The following LRSAM1 variants were observed in gnomAD, a reference collection of about 807,000 sequenced individuals.
LRSAM1 encodes the protein leucine rich repeat and sterile alpha motif containing 1, also known as E3 ubiquitin-protein ligase LRSAM1.
Under a neutral mutation model 118.1 loss-of-function variants are expected in LRSAM1, and 96 were observed. The ratio of observed to expected loss-of-function variants is 0.81; its 90% confidence interval spans 0.69 to 0.96. LRSAM1 has a LOEUF of 0.96. Ranked by LOEUF, LRSAM1 falls within the 40% of genes least tolerant of loss-of-function variation. The probability of loss-of-function intolerance (pLI) is 0.00; values close to 1 mark genes in which losing one functional copy is unlikely to be tolerated. For synonymous variants in LRSAM1, 322 were observed against 364.2 expected, an observed-to-expected ratio of 0.88 and a Z score of 1.32; for missense variants, 804 against 915.5, an observed-to-expected ratio of 0.88 and a Z score of 1.57.
rs774230694 is a variant in LRSAM1, at chr9:127,491,302, A to G, written c.1503+7A>G. On this transcript the variant is annotated splice_region_variant and intron_variant, in intron 20 of 25. Coordinates refer to ENST00000300417, the MANE Select transcript of LRSAM1 (RefSeq NM_001005373.4). ...GGACACAGAGTCACTCCAGGTATGT[A>G]GGGCTCCCTGCCCCTGCCCTCCTTC... is the stretch of plus-strand genomic sequence containing the variant. The G allele has an allele frequency of 1.2e-6, 2 of 1,611,658 alleles. No homozygotes were observed. The highest frequency in any genetic ancestry group is 1.1e-5 in the South Asian group (1 of 91,030).
At position 127,495,961 on chromosome 9, in the gene LRSAM1, C is replaced by T. The variant is rs756218616; in HGVS notation, c.1699-3C>T. ...GCTCATGGTACACGTTTCTGTCTTG[C>T]AGGAAGAGGGGATGGAGCGCCAGCT... On this transcript the variant is annotated splice_region_variant and splice_polypyrimidine_tract_variant and intron_variant, in intron 22 of 25. Transcript: ENST00000300417. 5.6e-6 allele frequency: 9 copies of T among 1,612,436 alleles called. No individual in the cohort carries two copies. Among genetic ancestry groups the T allele is most frequent in the Admixed American group, 1.7e-5 (1 of 59,972 alleles).
At position 127,488,631 on chromosome 9, in the gene LRSAM1, G is replaced by A. The variant is rs140428632; in HGVS notation, c.1348-813G>A. 8.9e-4 allele frequency among the ~76,000 whole-genome samples: 127 copies of A among 142,068 alleles called. 1 individual carries two copies. The East Asian group carries it at 0.022, about 24-fold the overall frequency. 93.2% of individuals were successfully genotyped at this position (142,068 alleles called of 152,430 possible). A position where few individuals can be genotyped will look rare whatever the true frequency, so the allele number is the denominator to read the frequency against. The stretch of plus-strand genomic sequence containing the variant: ...TTTTTTTAAGACAAGGTCTTGCTCT[G>A]TTGCCCAGGATGAGTGAAGTGATGT... On this transcript the variant is annotated intron_variant, in intron 18 of 25. Coordinates refer to ENST00000300417, the MANE Select transcript of LRSAM1 (RefSeq NM_001005373.4).
In LRSAM1 at chr9:127,503,269, C is replaced by A; in HGVS notation, c.*370C>A. 6.2e-6 allele frequency: 2 copies of A among 322,944 alleles called. No individual in the cohort carries two copies. The allele number at this position is 322,944 out of a possible 1,614,324, so 20.0% of individuals were successfully genotyped here. On this transcript the variant is annotated 3_prime_UTR_variant, in exon 26 of 26. Transcript: ENST00000300417. ...CTCATCTGGGGGCCATGCACAGGCC[C>A]GTCCCACCCTGCATGTGGGAAGGGA... is the stretch of plus-strand genomic sequence containing the variant.
intron 14 of LRSAM1, 82 bp from the exon 15 acceptor site, chr9:127,481,101 A>G: frequency 1.3e-6 from 2 of 1,506,704 alleles, no homozygotes; most frequent in Non-Finnish European, 1.8e-6. Context: ...CCATTTCCTA[A>G]GCCCCTCTGC....
chr9:127,484,192 T>C (rs1213507707), intron 16 of LRSAM1, among the ~76,000 whole-genome samples: 1 of 152,004 alleles, frequency 6.6e-6, no homozygotes, highest in Non-Finnish European at 1.5e-5. Flanking sequence ...TCCTTTTGTG[T>C]CTACCATATT....
At chr9:127,462,628 A>G (rs1268705588) in intron 9 of LRSAM1, among the ~76,000 whole-genome samples, 2 of 152,136 alleles carry the variant, frequency 1.3e-5, no homozygotes, top group Admixed American at 6.6e-5. Context: ...AGAGGCTGAC[A>G]CTTTAAGAAA....
intron 24 of LRSAM1, among the ~76,000 whole-genome samples, chr9:127,500,465 TGGGGCTG>T (rs1390204916): frequency 6.6e-6 from 1 of 151,482 alleles, no homozygotes; most frequent in African/African-American, 2.4e-5. Context: ...GGGGACTCTG[TGGGGCTG>T]GGGGCAGGGG....
intron 16 of LRSAM1, among the ~76,000 whole-genome samples, chr9:127,483,353 T>C (rs1201336288): frequency 6.6e-6 from 1 of 151,868 alleles, no homozygotes; most frequent in Non-Finnish European, 1.5e-5. Context: ...AAGCCGAGGC[T>C]GGAGGATCAC....
chr9:127,454,532 C>A lies in LRSAM1; in HGVS notation c.5C>A (p.Pro2Gln). 3.1e-6 allele frequency: 5 copies of A among 1,614,100 alleles called. No homozygotes were observed. The highest frequency in any genetic ancestry group is 4.2e-6 in the Non-Finnish European group (5 of 1,180,046). Residue 2 changes from proline (P) to glutamine (Q), a missense_variant, in exon 3 of 26, where the codon CCG (proline) becomes CAG (glutamine). Coordinates refer to ENST00000300417, the MANE Select transcript of LRSAM1 (RefSeq NM_001005373.4). Reference protein sequence around the residue: MPLFFRKRKPSE... With the variant: MQLFFRKRKPSE... ...TCGCTCTGGGAAAAGGGAAGGATGC[C>A]GCTCTTCTTCCGGAAGCGGAAACCC...
chr9:127,462,228 G>T, intron 8 of LRSAM1, 24 bp from the exon 9 acceptor site: 1 of 1,613,732 alleles, frequency 6.2e-7, no homozygotes, highest in Non-Finnish European at 8.5e-7. Context: ...GGGGTGTTGA[G>T]CTGTGCTATT....
chr9:127,502,189 A>T (rs940144276), intron 25 of LRSAM1, among the ~76,000 whole-genome samples: 1 of 152,266 alleles, frequency 6.6e-6, no homozygotes, highest in Non-Finnish European at 1.5e-5. Flanking sequence ...GAGCGCAGGA[A>T]TATAATCCCC....
intron 16 of LRSAM1, among the ~76,000 whole-genome samples, chr9:127,484,873 A>G (rs541606397): frequency 7.3e-6 from 1 of 136,542 alleles, no homozygotes; most frequent in East Asian, 2.1e-4. Flanking sequence ...CAGTGGCATG[A>G]TCTCAGCTCA....
rs1448723066 is a variant in LRSAM1 at position 127,455,009 on chromosome 9, T to C, written c.84T>C (p.Ala28=). Residue 28 remains alanine, a synonymous_variant, in exon 4 of 26, where the codon GCT becomes GCC. Transcript: ENST00000300417. ...LEYQMCLAKE[A]GADDILDISK... The stretch of plus-strand genomic sequence containing the variant: ...CTTTTTATCCTTAGGCAAAAGAAGC[T>C]GGGGCAGATGACATTCTCGACATCT... The C allele has an allele frequency of 6.2e-7, 1 of 1,614,056 alleles. No individual in the cohort carries two copies. The highest frequency in any genetic ancestry group is 2.2e-5 in the East Asian group (1 of 44,896).
Position 127,501,058 on chromosome 9 carries a change from A to T in LRSAM1, c.1961A>T (p.Glu654Val). The T allele has an allele frequency of 6.2e-7, 1 of 1,613,978 alleles. No individual in the cohort carries two copies. Among genetic ancestry groups the T allele is most frequent in the Non-Finnish European group, 8.5e-7 (1 of 1,179,998 alleles). ...GTCGTCACCCCTACGGCCCCCCAGG[A>T]GCCTCCTGAGTCTGTGAGGCCATCC... ...GEVVTPTAPQ[E>V]PPESVRPSAP... The change falls in exon 25 of 26, where the codon GAG becomes GTG. Residue 654 changes from glutamate to valine, a missense_variant. By Grantham distance (121) the Glu-to-Val change is moderately radical. Transcript: ENST00000300417.
intron 23 of LRSAM1, among the ~76,000 whole-genome samples, chr9:127,496,705 C>T (rs966952749): frequency 6.6e-6 from 1 of 152,158 alleles, no homozygotes; most frequent in Non-Finnish European, 1.5e-5. Context: ...AGGTCTCCAC[C>T]CCAAGCAGTG....
At chr9:127,452,964 A>C (rs1390961557) in intron 2 of LRSAM1, among the ~76,000 whole-genome samples, 1 of 152,250 alleles carries the variant, frequency 6.6e-6, no homozygotes, top group Non-Finnish European at 1.5e-5. Flanking sequence ...GTGAGCACCA[A>C]GCAGTCGGGC....
At chr9:127,479,347 C>T (rs1486768692) in intron 12 of LRSAM1, 36 bp from the exon 13 acceptor site, 17 of 1,613,820 alleles carry the variant, frequency 1.1e-5, no homozygotes, top group Non-Finnish European at 1.4e-5. Flanking sequence ...TCCCCCAGGG[C>T]CTGTGCTGAC....
chr9:127,471,258 C>T (rs1410189176), intron 10 of LRSAM1, among the ~76,000 whole-genome samples: 1 of 151,786 alleles, frequency 6.6e-6, no homozygotes, highest in Non-Finnish European at 1.5e-5. Context: ...GCGGGTGGAT[C>T]GCTTGAGCCC....
chr9:127,456,703 AAAT>A (rs1834532340), intron 5 of LRSAM1, among the ~76,000 whole-genome samples: 1 of 152,056 alleles, frequency 6.6e-6, no homozygotes, highest in African/African-American at 2.4e-5. Context: ...TCTCTACCAA[AAAT>A]AAAAAAAAAA....
Sources: gnomAD v4.1 joint callset for allele counts (sites outside exome capture counted in the v4.1 genomes callset) on GRCh38, gnomAD v4.1.1 for gene constraint, MANE v1.5 for transcripts, NCBI Gene and HGNC (gene_info 2026-07-23, HGNC 2026-07-21) for gene names.